Variants in WDR7 observed in about 807,000 individuals in gnomAD.
WDR7 encodes the protein WD repeat domain 7.
In WDR7, 46 loss-of-function variants were observed where a neutral mutation model predicts 169.4. The observed-to-expected ratio is 0.27, with a 90% CI of 0.21 to 0.35. WDR7 has a LOEUF of 0.35. WDR7 is among the 10% of genes least tolerant of loss of function. The pLI, the probability that WDR7 is intolerant of heterozygous loss-of-function variation, is 1.00. For missense variants in WDR7, 1,534 were observed against 1,859.3 expected (o/e 0.83, Z 3.22); for synonymous variants, 612 against 666.8 (o/e 0.92, Z 1.27).
At position 56,753,139 on chromosome 18, in the gene WDR7, CAG is replaced by C. The variant is rs1293933877; in HGVS notation, c.1990-3442_1990-3441del. The C allele has an allele frequency of 5.9e-5, 9 of 152,088 alleles. No homozygotes were observed. The South Asian group carries it at 1.0e-3, about 18-fold the overall frequency. The allele number at this position is 152,088 out of a possible 1,614,324, so 9.4% of individuals were successfully genotyped here. ...GTGGTCAGATGGGAGGAAATTAAGA[CAG>C]AAGGGAGACCAGTTAAGGGGATTTG... On this transcript the variant is annotated intron_variant, in intron 14 of 27. Transcript: ENST00000254442.
At chr18:56,843,800 A>G (rs1347638929) in intron 20 of WDR7, among the ~76,000 whole-genome samples, 1 of 150,826 alleles carries the variant, frequency 6.6e-6, no homozygotes, top group Non-Finnish European at 1.5e-5. Context: ...CTAGCGGTGC[A>G]TTATAGTCTC....
chr18:56,915,927 T>C (rs1023734657), intron 21 of WDR7, among the ~76,000 whole-genome samples: 2 of 152,154 alleles, frequency 1.3e-5, no homozygotes, highest in Non-Finnish European at 2.9e-5. Flanking sequence ...CCCTCCTCCT[T>C]TCTGTGTACC....
At chr18:56,748,946 CCTT>C (rs1411988646) in intron 14 of WDR7, among the ~76,000 whole-genome samples, 2 of 151,738 alleles carry the variant, frequency 1.3e-5, no homozygotes, top group Non-Finnish European at 2.9e-5. Context: ...CTGCCTTTCT[CCTT>C]CTTCCTTCCT....
intron 19 of WDR7, among the ~76,000 whole-genome samples, chr18:56,801,855 AG>A (rs922232238): frequency 3.9e-5 from 6 of 152,184 alleles, no homozygotes; most frequent in Admixed American, 6.6e-5. Context: ...TCACCTGTTT[AG>A]GGACATCTGG....
rs561753762 is a variant in WDR7 at position 56,651,541 on chromosome 18, T to G, written c.-55T>G. 5 of 152,662 alleles carry G rather than the reference T, an allele frequency of 3.3e-5. No homozygotes were observed. Among genetic ancestry groups the G allele is most frequent in the African/African-American group, 9.6e-5 (4 of 41,468 alleles). The allele number at this position is 152,662 out of a possible 1,614,324, so 9.5% of individuals were successfully genotyped here. On this transcript the variant is annotated 5_prime_UTR_variant, in exon 1 of 28. Coordinates refer to ENST00000254442, the MANE Select transcript of WDR7 (RefSeq NM_015285.3). ...GCTGGGGCGCCCACCGGCGGTCTGATAGGCTACATCGCGGCATGAGATGAA... is the reference window on the plus strand; with the variant it reads ...GCTGGGGCGCCCACCGGCGGTCTGAGAGGCTACATCGCGGCATGAGATGAA...
At chr18:56,731,131 G>T (rs2026576729) in intron 13 of WDR7, among the ~76,000 whole-genome samples, 1 of 152,222 alleles carries the variant, frequency 6.6e-6, no homozygotes. Context: ...CCTGGAGAAG[G>T]TTGTTGGAAT....
chr18:56,842,866 G>C (rs2045506896), intron 20 of WDR7, among the ~76,000 whole-genome samples: 2 of 152,326 alleles, frequency 1.3e-5, no homozygotes, highest in Admixed American at 1.3e-4. Flanking sequence ...GGGGAGAGAA[G>C]AGACATTGCA....
intron 4 of WDR7, 57 bp from the exon 5 acceptor site, chr18:56,682,622 G>A: frequency 6.5e-7 from 1 of 1,548,434 alleles, no homozygotes; most frequent in East Asian, 2.2e-5. Context: ...TATTAATCAA[G>A]TATCTAAATT....
chr18:57,018,233 C>G (rs114226932), intron 26 of WDR7, among the ~76,000 whole-genome samples: 1 of 152,198 alleles, frequency 6.6e-6, no homozygotes, highest in Non-Finnish European at 1.5e-5. Flanking sequence ...CAGTCCACCT[C>G]TACACAGAGT....
At chr18:56,877,062 CAT>C (rs1397895699) in intron 20 of WDR7, among the ~76,000 whole-genome samples, 1 of 151,818 alleles carries the variant, frequency 6.6e-6, no homozygotes, top group African/African-American at 2.4e-5. Context: ...TCTGATAAAA[CAT>C]ATATTTCCAG....
At chr18:56,837,135 AAAAC>A (rs1178615819) in intron 20 of WDR7, among the ~76,000 whole-genome samples, 2 of 152,358 alleles carry the variant, frequency 1.3e-5, no homozygotes, top group Non-Finnish European at 2.9e-5. Context: ...TTGCATTTGA[AAAAC>A]AAACGTGACC....
intron 20 of WDR7, among the ~76,000 whole-genome samples, chr18:56,848,246 A>T (rs1485155425): frequency 6.6e-6 from 1 of 152,124 alleles, no homozygotes; most frequent in African/African-American, 2.4e-5. Flanking sequence ...TGGGTTTCAG[A>T]CTTGCATGGG....
At chr18:56,908,406 A>G (rs1302032369) in intron 21 of WDR7, among the ~76,000 whole-genome samples, 1 of 152,246 alleles carries the variant, frequency 6.6e-6, no homozygotes, top group Non-Finnish European at 1.5e-5. Context: ...TTCTTTGATT[A>G]CGAACCCAGT....
At chr18:56,946,637 A>G (rs185864566) in intron 25 of WDR7, among the ~76,000 whole-genome samples, 1 of 151,974 alleles carries the variant, frequency 6.6e-6, no homozygotes, top group African/African-American at 2.4e-5. Context: ...TTTTTACTGT[A>G]TTCTAGAAGC....
intron 19 of WDR7, among the ~76,000 whole-genome samples, chr18:56,797,739 C>T (rs1568200736): frequency 6.6e-6 from 1 of 151,256 alleles, no homozygotes; most frequent in Non-Finnish European, 1.5e-5. Context: ...TCAGAATACA[C>T]TTTTATCTAT....
chr18:56,822,072 G>A (rs113001324), intron 20 of WDR7, among the ~76,000 whole-genome samples: 2 of 152,256 alleles, frequency 1.3e-5, no homozygotes, highest in East Asian at 1.9e-4. Context: ...TACTACAGGT[G>A]TGCTACTGTG....
intron 26 of WDR7, among the ~76,000 whole-genome samples, chr18:57,012,593 G>A (rs56010230): frequency 7.2e-5 from 11 of 152,354 alleles, no homozygotes; most frequent in Non-Finnish European, 1.5e-4. Flanking sequence ...CAGCCCTGCT[G>A]TAGCTGCCTG....
At chr18:56,744,131 C>T (rs1405767645) in intron 14 of WDR7, among the ~76,000 whole-genome samples, 2 of 150,386 alleles carry the variant, frequency 1.3e-5, no homozygotes, top group Non-Finnish European at 3.0e-5. Flanking sequence ...CCCAGCTACT[C>T]GGGAGGCTGA....
intron 26 of WDR7, chr18:57,009,929 C>T: frequency 9.1e-6 from 9 of 985,440 alleles, no homozygotes; most frequent in Non-Finnish European, 1.1e-5. Flanking sequence ...CTTCCGTTAA[C>T]CATAACCCAA....
Sources: gnomAD v4.1 joint callset for allele counts (sites outside exome capture counted in the v4.1 genomes callset) on GRCh38, gnomAD v4.1.1 for gene constraint, MANE v1.5 for transcripts, NCBI Gene and HGNC (gene_info 2026-07-23, HGNC 2026-07-21) for gene names.